Variants in NRXN3 observed in about 807,000 individuals in gnomAD.
NRXN3 encodes neurexin 3, also known as neurexin III.
A neutral mutation model predicts 137.6 loss-of-function variants in NRXN3; 32 were observed. The ratio of observed to expected loss-of-function variants is 0.23; its 90% CI spans 0.18 to 0.31. The LOEUF (loss-of-function observed/expected upper bound fraction) is 0.31. NRXN3 is among the 10% of genes least tolerant of loss of function. The pLI is 1.00. For synonymous variants in NRXN3, 798 were observed against 784.5 expected, an observed-to-expected ratio of 1.02 and a Z score of -0.29; for missense variants, 1,574 against 2,062.5, an observed-to-expected ratio of 0.76 and a Z score of 4.59.
At chr14:78,314,263 A>G (rs2078297853) in intron 4 of NRXN3, among the ~76,000 whole-genome samples, 1 of 152,126 alleles carries the variant, frequency 6.6e-6, no homozygotes, top group African/African-American at 2.4e-5. Flanking sequence ...AAAATGGGGG[A>G]AAAACAGGGA....
intron 15 of NRXN3, among the ~76,000 whole-genome samples, chr14:78,997,247 C>T (rs1280464925): frequency 6.6e-6 from 1 of 152,150 alleles, no homozygotes; most frequent in African/African-American, 2.4e-5. Context: ...AGGCATATAG[C>T]TTATCATGGA....
intron 15 of NRXN3, among the ~76,000 whole-genome samples, chr14:79,048,048 C>T (rs1476603121): frequency 6.6e-6 from 1 of 151,974 alleles, no homozygotes; most frequent in Non-Finnish European, 1.5e-5. Flanking sequence ...ATAAACAAAA[C>T]ACAGTATATT....
At chr14:79,420,610 G>T (rs2095562052) in intron 15 of NRXN3, among the ~76,000 whole-genome samples, 1 of 152,030 alleles carries the variant, frequency 6.6e-6, no homozygotes, top group Non-Finnish European at 1.5e-5. Context: ...AATCTCTACG[G>T]TCCCTCCCAT....
At chr14:78,524,803 C>A (rs1001090319) in intron 4 of NRXN3, among the ~76,000 whole-genome samples, 3 of 151,994 alleles carry the variant, frequency 2.0e-5, no homozygotes, top group Non-Finnish European at 2.9e-5. Flanking sequence ...TGGACCTAGG[C>A]AAAATGTTTT....
rs2098843633 is a variant in NRXN3, at chr14:78,802,875, G to A, written c.2045-745G>A. 2.0e-5 allele frequency among the ~76,000 whole-genome samples: 3 copies of A among 152,192 alleles called. No homozygotes were observed. The South Asian group carries it at 6.2e-4, about 31-fold the overall frequency. ...GCAGGAGAATTGCTTGAACCAGGGA[G>A]GCAGAGGCTGCAGTGAGCGAAGATC... is the stretch of plus-strand genomic sequence containing the variant. On this transcript the variant is annotated intron_variant, in intron 8 of 20. Coordinates refer to ENST00000335750, the MANE Select transcript of NRXN3 (RefSeq NM_001330195.2).
intron 15 of NRXN3, among the ~76,000 whole-genome samples, chr14:79,378,139 T>C (rs1392018663): frequency 6.6e-6 from 1 of 152,230 alleles, no homozygotes; most frequent in Admixed American, 6.5e-5. Context: ...CTTTTGCTAA[T>C]GTGTTCATCC....
intron 20 of NRXN3, among the ~76,000 whole-genome samples, chr14:79,821,055 G>C (rs1052229832): frequency 4.6e-5 from 7 of 151,890 alleles, no homozygotes; most frequent in Non-Finnish European, 1.0e-4. Flanking sequence ...GGAGGCATTA[G>C]GAAAGGCTTT....
intron 8 of NRXN3, among the ~76,000 whole-genome samples, chr14:78,745,823 G>C (rs895595867): frequency 6.6e-6 from 1 of 152,072 alleles, no homozygotes; most frequent in African/African-American, 2.4e-5. Flanking sequence ...GAAAATAACA[G>C]GAATTATTAG....
intron 16 of NRXN3, among the ~76,000 whole-genome samples, chr14:79,576,016 C>CA (rs2097661304): frequency 6.6e-6 from 1 of 152,070 alleles, no homozygotes; most frequent in African/African-American, 2.4e-5. Flanking sequence ...CAGGTGCTGC[C>CA]AAAATGGTAT....
rs75646055 is a variant in NRXN3, at chr14:78,183,188, A to G, written c.-704+12514A>G. 6.6e-3 allele frequency among the ~76,000 whole-genome samples: 1,009 copies of G among 152,330 alleles called. 10 individuals are homozygous for G. Among genetic ancestry groups the G allele is most frequent in the Middle Eastern group, 0.01 (3 of 294 alleles). On this transcript the variant is annotated intron_variant, in intron 1 of 20. Coordinates refer to ENST00000335750, the MANE Select transcript of NRXN3 (RefSeq NM_001330195.2). ...TTTCTTCCTTCTGGCAAGAACCATC[A>G]GGCCAGCCCTCTTCCTGGTCTGCTG...
intron 16 of NRXN3, among the ~76,000 whole-genome samples, chr14:79,613,078 A>T (rs1462002738): frequency 6.6e-6 from 1 of 152,204 alleles, no homozygotes; most frequent in Admixed American, 6.5e-5. Flanking sequence ...GTTGCAAAGG[A>T]CATCCTTTGT....
chr14:78,783,798 C>T (rs577487368), intron 8 of NRXN3, among the ~76,000 whole-genome samples: 6 of 152,030 alleles, frequency 3.9e-5, no homozygotes, highest in Middle Eastern at 6.8e-3. Flanking sequence ...CTGTAGGCAC[C>T]GCCGATAATA....
chr14:79,455,416 T>A (rs550833096), intron 15 of NRXN3, among the ~76,000 whole-genome samples: 92 of 152,296 alleles, frequency 6.0e-4, no homozygotes, highest in African/African-American at 2.1e-3. Flanking sequence ...TTGCCTGTAG[T>A]ATGGTATAAA....
chr14:78,690,414 TA>T (rs1203669640), intron 6 of NRXN3, among the ~76,000 whole-genome samples: 4 of 152,226 alleles, frequency 2.6e-5, no homozygotes, highest in Non-Finnish European at 4.4e-5. Flanking sequence ...AGACCATTTC[TA>T]TCTACATGGA....
At chr14:78,262,192 T>C (rs2070856380) in intron 2 of NRXN3, among the ~76,000 whole-genome samples, 1 of 152,186 alleles carries the variant, frequency 6.6e-6, no homozygotes, top group South Asian at 2.1e-4. Flanking sequence ...TTGATATCGT[T>C]GGCCAGAACT....
intron 19 of NRXN3, among the ~76,000 whole-genome samples, chr14:79,788,083 T>C (rs1304829789): frequency 1.3e-5 from 2 of 152,068 alleles, no homozygotes; most frequent in Admixed American, 6.6e-5. Context: ...CTCACAATCA[T>C]GGTGGAAGAC....
At chr14:78,526,396 C>T (rs2153807487) in intron 4 of NRXN3, among the ~76,000 whole-genome samples, 1 of 152,298 alleles carries the variant, frequency 6.6e-6, no homozygotes, top group African/African-American at 2.4e-5. Context: ...TTTCTCATGT[C>T]AACATGATGC....
At chr14:79,174,733 A>G (rs986808633) in intron 15 of NRXN3, among the ~76,000 whole-genome samples, 6 of 151,846 alleles carry the variant, frequency 4.0e-5, no homozygotes, top group African/African-American at 1.4e-4. Flanking sequence ...TTATGCAGTC[A>G]TTTTGCAGAA....
chr14:79,075,528 C>T (rs982701427), intron 15 of NRXN3, among the ~76,000 whole-genome samples: 21 of 152,070 alleles, frequency 1.4e-4, no homozygotes, highest in African/African-American at 5.1e-4. Flanking sequence ...ACTTTATAAA[C>T]TCTTTTTATT....
Sources: gnomAD v4.1 joint callset for allele counts (sites outside exome capture counted in the v4.1 genomes callset) on GRCh38, gnomAD v4.1.1 for gene constraint, MANE v1.5 for transcripts, NCBI Gene and HGNC (gene_info 2026-07-23, HGNC 2026-07-21) for gene names.